CDH12: variants seen among roughly 807,000 people sequenced by gnomAD.
CDH12 encodes cadherin 12.
In CDH12, 41 loss-of-function variants were observed where a neutral mutation model predicts 74.1. The ratio of observed to expected loss-of-function variants is 0.55; its 90% CI spans 0.43 to 0.72. The LOEUF is 0.72. CDH12 is among the 30% of genes least tolerant of loss of function. The pLI, the probability that CDH12 is intolerant of heterozygous loss-of-function variation, is 0.00. For missense variants in CDH12, 945 were observed against 977.2 expected, an observed-to-expected ratio of 0.97 and a Z score of 0.44; for synonymous variants, 399 against 355.0, an observed-to-expected ratio of 1.12 and a Z score of -1.39.
intron 3 of CDH12, among the ~76,000 whole-genome samples, chr5:22,331,929 G>A (rs142856950): frequency 6.6e-6 from 1 of 152,068 alleles, no homozygotes; most frequent in African/African-American, 2.4e-5. Context: ...AATAATTAGT[G>A]AGCTTGGAGA....
At chr5:22,631,904 T>C (rs1217846454) in intron 1 of CDH12, among the ~76,000 whole-genome samples, 1 of 152,012 alleles carries the variant, frequency 6.6e-6, no homozygotes, top group African/African-American at 2.4e-5. Context: ...GGGTCGGTGT[T>C]AAACCATTTA....
intron 5 of CDH12, among the ~76,000 whole-genome samples, chr5:22,021,043 G>A (rs987535787): frequency 6.6e-6 from 1 of 152,134 alleles, no homozygotes; most frequent in Non-Finnish European, 1.5e-5. Flanking sequence ...GGGACGAGAA[G>A]TGTTTTGAAT....
At chr5:22,420,379 A>G (rs960324834) in intron 2 of CDH12, among the ~76,000 whole-genome samples, 2 of 151,998 alleles carry the variant, frequency 1.3e-5, no homozygotes, top group Non-Finnish European at 2.9e-5. Flanking sequence ...TCCAGTTTCA[A>G]TTTTCTTCGT....
intron 1 of CDH12, among the ~76,000 whole-genome samples, chr5:22,802,802 T>C (rs1019133125): frequency 6.6e-6 from 1 of 152,172 alleles, no homozygotes; most frequent in African/African-American, 2.4e-5. Context: ...ATCCTTAAGA[T>C]AAGCATTTTA....
intron 5 of CDH12, among the ~76,000 whole-genome samples, chr5:21,992,564 C>T (rs552019086): frequency 5.3e-5 from 8 of 151,970 alleles, no homozygotes; most frequent in South Asian, 4.1e-4. Context: ...TGTGTGCATA[C>T]GTGTTCGTAG....
intron 1 of CDH12, among the ~76,000 whole-genome samples, chr5:22,834,939 G>C (rs961072919): frequency 6.6e-6 from 1 of 151,994 alleles, no homozygotes; most frequent in Non-Finnish European, 1.5e-5. Flanking sequence ...GATCAAAAGA[G>C]GGGGAGATAA....
chr5:22,588,474 C>T (rs1383003781), intron 1 of CDH12, among the ~76,000 whole-genome samples: 1 of 152,074 alleles, frequency 6.6e-6, no homozygotes, highest in Non-Finnish European at 1.5e-5. Context: ...AAGGGTAGAA[C>T]ATAAATGAGG....
At chr5:22,234,913 T>G (rs1752510416) in intron 3 of CDH12, among the ~76,000 whole-genome samples, 1 of 152,074 alleles carries the variant, frequency 6.6e-6, no homozygotes, top group Non-Finnish European at 1.5e-5. Flanking sequence ...TTTTTTTTAC[T>G]AAACAAATGT....
chr5:22,791,124 G>A (rs1747884152), intron 1 of CDH12, among the ~76,000 whole-genome samples: 1 of 152,130 alleles, frequency 6.6e-6, no homozygotes, highest in Non-Finnish European at 1.5e-5. Context: ...TAGCCTCTTT[G>A]CACACTTAAT....
At chr5:21,897,440 C>T (rs898496474) in intron 6 of CDH12, among the ~76,000 whole-genome samples, 4 of 152,178 alleles carry the variant, frequency 2.6e-5, no homozygotes, top group Admixed American at 2.0e-4. Context: ...CCTCAAATGT[C>T]TGTTACGTTG....
At chr5:21,919,823 A>C (rs1213001131) in intron 6 of CDH12, among the ~76,000 whole-genome samples, 1 of 152,144 alleles carries the variant, frequency 6.6e-6, no homozygotes. Context: ...GCATTGACAG[A>C]CCTTCTCATT....
intron 1 of CDH12, among the ~76,000 whole-genome samples, chr5:22,637,838 T>C (rs1738922143): frequency 6.6e-6 from 1 of 152,256 alleles, no homozygotes; most frequent in Non-Finnish European, 1.5e-5. Context: ...TAGTAATGTC[T>C]ACTTATAGTA....
chr5:22,003,417 A>C (rs928624547), intron 5 of CDH12, among the ~76,000 whole-genome samples: 2 of 151,846 alleles, frequency 1.3e-5, no homozygotes, highest in African/African-American at 4.8e-5. Flanking sequence ...TAAATATTAC[A>C]TTTATAGATG....
At chr5:22,276,850 A>T (rs1417165772) in intron 3 of CDH12, among the ~76,000 whole-genome samples, 1 of 152,124 alleles carries the variant, frequency 6.6e-6, no homozygotes, top group African/African-American at 2.4e-5. Context: ...TCACACCCAG[A>T]TAATTAAGCA....
chr5:21,920,657 G>T (rs568601060), intron 6 of CDH12, among the ~76,000 whole-genome samples: 2 of 36,900 alleles, frequency 5.4e-5, no homozygotes, highest in East Asian at 4.0e-3. Flanking sequence ...ATGTACCCCA[G>T]AACTTAAAGT....
chr5:22,466,296 TTTGC>T (rs1457708697), intron 2 of CDH12, among the ~76,000 whole-genome samples: 1 of 152,208 alleles, frequency 6.6e-6, no homozygotes, highest in Non-Finnish European at 1.5e-5. Flanking sequence ...TTGTTTTTTG[TTTGC>T]TTGTTTGTTT....
intron 2 of CDH12, among the ~76,000 whole-genome samples, chr5:22,439,585 C>A (rs11960255): frequency 0.32 from 48,305 of 151,820 alleles, 7,775 homozygotes; most frequent in African/African-American, 0.36. Flanking sequence ...AGACCTAAGT[C>A]CTGATCCTGC....
At chr5:22,448,753 C>A (rs1744927726) in intron 2 of CDH12, among the ~76,000 whole-genome samples, 1 of 151,804 alleles carries the variant, frequency 6.6e-6, no homozygotes, top group African/African-American at 2.4e-5. Flanking sequence ...ATCCTGGATA[C>A]AAAGAGTATA....
intron 5 of CDH12, among the ~76,000 whole-genome samples, chr5:22,075,512 A>G (rs1254054307): frequency 1.3e-5 from 2 of 152,092 alleles, no homozygotes; most frequent in Admixed American, 6.6e-5. Flanking sequence ...TGGTAAATGT[A>G]TTTGACTTCC....
Sources: gnomAD v4.1 joint callset for allele counts (sites outside exome capture counted in the v4.1 genomes callset) on GRCh38, gnomAD v4.1.1 for gene constraint, MANE v1.5 for transcripts, NCBI Gene and HGNC (gene_info 2026-07-23, HGNC 2026-07-21) for gene names.